The following MDGA2 variants were observed in gnomAD, a reference collection of about 807,000 sequenced individuals.
The protein encoded by MDGA2 is MAM domain-containing glycosylphosphatidylinositol anchor protein 2.
A neutral mutation model predicts 117.8 loss-of-function variants in MDGA2; 40 were observed. The ratio of observed to expected loss-of-function variants is 0.34; its 90% CI spans 0.26 to 0.44. MDGA2 has a LOEUF of 0.44. Ranked by LOEUF, MDGA2 falls within the 20% of genes least tolerant of loss-of-function variation. MDGA2 has a pLI of 1.00. For missense variants in MDGA2, 1,123 were observed against 1,250.6 expected (o/e 0.90, Z 1.54); for synonymous variants, 452 against 439.0 (o/e 1.03, Z -0.37).
chr14:47,264,343 G>C (rs933036304), intron 2 of MDGA2, among the ~76,000 whole-genome samples: 1 of 152,038 alleles, frequency 6.6e-6, no homozygotes, highest in Non-Finnish European at 1.5e-5. Context: ...ATAATTATTT[G>C]CTCCAGGTAG....
At chr14:47,582,038 T>G (rs1458775063) in intron 1 of MDGA2, among the ~76,000 whole-genome samples, 1 of 151,932 alleles carries the variant, frequency 6.6e-6, no homozygotes, top group Non-Finnish European at 1.5e-5. Flanking sequence ...ATTATCTATC[T>G]CATATTGTTA....
chr14:47,630,079 T>C (rs1203030928), intron 1 of MDGA2, among the ~76,000 whole-genome samples: 1 of 149,766 alleles, frequency 6.7e-6, no homozygotes, highest in Non-Finnish European at 1.5e-5. Flanking sequence ...GTACTTCTGA[T>C]ACTAAAAAAA....
intron 2 of MDGA2, among the ~76,000 whole-genome samples, chr14:47,288,966 C>T (rs1888781948): frequency 6.6e-6 from 1 of 152,040 alleles, no homozygotes; most frequent in Non-Finnish European, 1.5e-5. Context: ...ATAAATGTAT[C>T]ATGTTTACAA....
intron 1 of MDGA2, among the ~76,000 whole-genome samples, chr14:47,582,350 C>A (rs1376539285): frequency 6.6e-6 from 1 of 151,862 alleles, no homozygotes; most frequent in Non-Finnish European, 1.5e-5. Context: ...GATGGAATCA[C>A]AATCAATTCA....
At chr14:47,358,432 C>T (rs534538366) in intron 1 of MDGA2, among the ~76,000 whole-genome samples, 17 of 152,210 alleles carry the variant, frequency 1.1e-4, no homozygotes, top group South Asian at 4.2e-4. Context: ...ACCCGTTGTG[C>T]GGGTATCAAA....
chr14:47,050,872 G>A (rs1267621950), intron 7 of MDGA2, among the ~76,000 whole-genome samples: 2 of 151,968 alleles, frequency 1.3e-5, no homozygotes, highest in Non-Finnish European at 1.5e-5. Context: ...CTGGCAAGGA[G>A]ACTCTAACAT....
chr14:47,296,786 T>C (rs1028772340), intron 2 of MDGA2, among the ~76,000 whole-genome samples: 8 of 152,212 alleles, frequency 5.3e-5, no homozygotes, highest in African/African-American at 1.7e-4. Flanking sequence ...CAAGTATTCA[T>C]TGGATTGTTT....
At chr14:47,467,700 T>A (rs908208516) in intron 1 of MDGA2, among the ~76,000 whole-genome samples, 3 of 152,120 alleles carry the variant, frequency 2.0e-5, no homozygotes, top group African/African-American at 4.8e-5. Context: ...CGTTTCCTTC[T>A]CTGTAAAATG....
At chr14:47,565,352 C>A (rs1895896804) in intron 1 of MDGA2, among the ~76,000 whole-genome samples, 1 of 152,082 alleles carries the variant, frequency 6.6e-6, no homozygotes, top group South Asian at 2.1e-4. Context: ...TTGATTGTGG[C>A]ATAAGGTAGG....
At chr14:47,163,318 T>C (rs1266967185) in intron 3 of MDGA2, among the ~76,000 whole-genome samples, 1 of 152,098 alleles carries the variant, frequency 6.6e-6, no homozygotes, top group Non-Finnish European at 1.5e-5. Flanking sequence ...AAGGTTTGGC[T>C]CTGTGTCCCT....
chr14:47,156,708 A>C (rs1883402640), intron 3 of MDGA2, among the ~76,000 whole-genome samples: 1 of 152,240 alleles, frequency 6.6e-6, no homozygotes, highest in Non-Finnish European at 1.5e-5. Context: ...ATGGAAAGAC[A>C]CACTAAAAAC....
At chr14:47,146,767 A>G (rs1341101327) in intron 3 of MDGA2, among the ~76,000 whole-genome samples, 1 of 152,198 alleles carries the variant, frequency 6.6e-6, no homozygotes, top group Non-Finnish European at 1.5e-5. Flanking sequence ...TAAACAGTGT[A>G]ACAATGATGA....
intron 10 of MDGA2, among the ~76,000 whole-genome samples, chr14:46,896,617 T>C (rs894322965): frequency 2.0e-4 from 31 of 152,030 alleles, no homozygotes; most frequent in African/African-American, 7.5e-4. Flanking sequence ...GACATGAGCA[T>C]GAGGATGTTA....
At chr14:46,888,531 T>C (rs911274740) in intron 10 of MDGA2, among the ~76,000 whole-genome samples, 13 of 151,922 alleles carry the variant, frequency 8.6e-5, no homozygotes, top group African/African-American at 2.9e-4. Context: ...TATTAAAAAC[T>C]ATAATTTGTT....
In MDGA2 at chr14:47,061,663, G is replaced by T. The variant is rs143770751; in HGVS notation, c.1196-85C>A. On this transcript the variant is annotated intron_variant, in intron 6 of 16. Coordinates refer to ENST00000399232, the MANE Select transcript of MDGA2 (RefSeq NM_001113498.3). ...AACTGTAGATAATCATCTCTGAGCT[G>T]AAATAAAGTAAAACCAAATAAAGTG... The T allele has an allele frequency of 1.0e-3, 1,132 of 1,128,278 alleles. 11 individuals are homozygous for T. The African/African-American group carries it at 0.016, about 16-fold the overall frequency. 69.9% of individuals were successfully genotyped at this position (1,128,278 alleles called of 1,614,324 possible).
intron 8 of MDGA2, among the ~76,000 whole-genome samples, chr14:47,015,298 G>T (rs560025700): frequency 6.9e-6 from 1 of 145,758 alleles, no homozygotes; most frequent in South Asian, 2.3e-4. Flanking sequence ...GTGACATGGA[G>T]ACATAAAGTG....
At chr14:46,901,222 T>C (rs1422624384) in intron 10 of MDGA2, among the ~76,000 whole-genome samples, 1 of 149,130 alleles carries the variant, frequency 6.7e-6, no homozygotes, top group African/African-American at 2.5e-5. Context: ...TTAGGAGATA[T>C]ACCTAATGCC....
At chr14:47,581,013 C>T (rs1896219850) in intron 1 of MDGA2, among the ~76,000 whole-genome samples, 2 of 152,116 alleles carry the variant, frequency 1.3e-5, no homozygotes, top group East Asian at 3.9e-4. Flanking sequence ...ATTTTAATCA[C>T]GTGAAATCAG....
chr14:47,482,860 T>C (rs1414432752), intron 1 of MDGA2, among the ~76,000 whole-genome samples: 2 of 145,438 alleles, frequency 1.4e-5, no homozygotes, highest in African/African-American at 5.1e-5. Context: ...ATTCTAAAAA[T>C]ATAGGCAAGA....
Sources: gnomAD v4.1 joint callset for allele counts (sites outside exome capture counted in the v4.1 genomes callset) on GRCh38, gnomAD v4.1.1 for gene constraint, MANE v1.5 for transcripts, NCBI Gene and HGNC (gene_info 2026-07-23, HGNC 2026-07-21) for gene names.